The following AFF4 variants were observed in gnomAD, a reference collection of about 807,000 sequenced individuals.
AFF4 encodes ALF transcription elongation factor 4.
In AFF4, 13 loss-of-function variants were observed where a neutral mutation model predicts 124.8. The ratio of observed to expected loss-of-function variants is 0.10; its 90% CI spans 0.07 to 0.17. AFF4 has a LOEUF of 0.17. AFF4 is among the 10% of genes least tolerant of loss of function. The pLI is 1.00. For missense variants in AFF4, 1,092 were observed against 1,403.8 expected, an observed-to-expected ratio of 0.78 and a Z score of 3.55; for synonymous variants, 477 against 496.1, an observed-to-expected ratio of 0.96 and a Z score of 0.51.
chr5:132,948,295 C>CA (rs1236009975), intron 1 of AFF4, among the ~76,000 whole-genome samples: 1 of 152,110 alleles, frequency 6.6e-6, no homozygotes, highest in African/African-American at 2.4e-5. Flanking sequence ...ATGATCCGCC[C>CA]ACCTCAGCCT....
chr5:132,883,262 T>C, intron 20 of AFF4, 78 bp downstream of exon 20: 1 of 1,339,524 alleles, frequency 7.5e-7, no homozygotes, highest in Non-Finnish European at 1.1e-6. Flanking sequence ...AAATACAGAC[T>C]AAACGCTTAC....
intron 5 of AFF4, among the ~76,000 whole-genome samples, chr5:132,923,606 C>T (rs896389657): frequency 8.6e-5 from 13 of 151,840 alleles, no homozygotes; most frequent in Admixed American, 5.2e-4. Flanking sequence ...ACCTGTAGTG[C>T]GTGGTAGTCA....
chr5:132,940,499 TC>T, intron 1 of AFF4, among the ~76,000 whole-genome samples: 4 of 151,520 alleles, frequency 2.6e-5, no homozygotes, highest in Admixed American at 2.6e-4. Flanking sequence ...AGACTCCGTC[TC>T]AAAAAAAAAT....
At chr5:132,924,788 G>A (rs1318810696) in intron 5 of AFF4, among the ~76,000 whole-genome samples, 1 of 152,110 alleles carries the variant, frequency 6.6e-6, no homozygotes, top group Admixed American at 6.5e-5. Context: ...CCAGGAGGCG[G>A]AGGTTGCAGT....
chr5:132,920,231 G>A (rs1230599869), intron 5 of AFF4, among the ~76,000 whole-genome samples: 1 of 151,848 alleles, frequency 6.6e-6, no homozygotes, highest in Non-Finnish European at 1.5e-5. Flanking sequence ...TATATTTTTA[G>A]TGGAGTCGGA....
chr5:132,887,564 C>A lies in AFF4; in HGVS notation c.2962G>T (p.Ala988Ser). ...KYTMKLKNYL[A>S]PDATAADKRL... is the part of the protein sequence containing the mutation. ...TTATCTGCAGCTGTAGCATCTGGTGCCAAGTAATTCTTTAGCTTCATAGTG... is the reference window on the plus strand; with the variant it reads ...TTATCTGCAGCTGTAGCATCTGGTGACAAGTAATTCTTTAGCTTCATAGTG... The change falls in exon 17 of 21, where the codon GCA becomes TCA. Residue 988 changes from alanine to serine, a missense_variant. Ala to Ser is a moderately conservative substitution (Grantham distance 99). Coordinates refer to ENST00000265343, the MANE Select transcript of AFF4 (RefSeq NM_014423.4). 2 of 1,613,928 alleles carry A rather than the reference C, an allele frequency of 1.2e-6. No individual in the cohort carries two copies. Among genetic ancestry groups the A allele is most frequent in the Non-Finnish European group, 1.7e-6 (2 of 1,179,886 alleles).
chr5:132,934,021 ATC>A (rs1457326641), intron 3 of AFF4, 124 bp downstream of exon 3: 1 of 1,122,424 alleles, frequency 8.9e-7, no homozygotes, highest in Non-Finnish European at 1.2e-6. Flanking sequence ...CATTTTTTTC[ATC>A]TTTCAACTTT....
At position 132,876,908 on chromosome 5, in the gene AFF4, C is replaced by T. The variant is rs1297380961; in HGVS notation, c.*4151G>A. ...TGCTCACAAACATGAAAAATTTGGCCTCTTCTCACTACATATTCCAAGGTA... is the reference window on the plus strand; with the variant it reads ...TGCTCACAAACATGAAAAATTTGGCTTCTTCTCACTACATATTCCAAGGTA... On this transcript the variant is annotated 3_prime_UTR_variant, in exon 21 of 21. Transcript: ENST00000265343. 1.0e-5 allele frequency: 2 copies of T among 198,078 alleles called. No homozygotes were observed. The highest frequency in any genetic ancestry group is 1.2e-4 in the Admixed American group (2 of 16,506). The allele number at this position is 198,078 out of a possible 1,614,324, so 12.3% of individuals were successfully genotyped here. A position where few individuals can be genotyped will look rare whatever the true frequency, so the allele number is the denominator to read the frequency against.
chr5:132,890,413 C>T (rs925517437), intron 13 of AFF4, among the ~76,000 whole-genome samples: 5 of 152,008 alleles, frequency 3.3e-5, no homozygotes, highest in Admixed American at 6.6e-5. Flanking sequence ...AATTACAGGC[C>T]GTGAGCCACC....
At chr5:132,918,008 G>A (rs143385708) in intron 5 of AFF4, among the ~76,000 whole-genome samples, 359 of 150,476 alleles carry the variant, frequency 2.4e-3, no homozygotes, top group Non-Finnish European at 4.4e-3. Flanking sequence ...ATGAGCCACC[G>A]CATCCAGCCC....
Position 132,927,112 on chromosome 5 carries a change from T to C in AFF4, c.1050+9A>G, listed in dbSNP as rs760989778. ...CTTACATTATGAAAGATACATTTTA[T>C]TTACTTACCTTAGTTGGAAAAGGAA... is the stretch of plus-strand genomic sequence containing the variant. On this transcript the variant is annotated intron_variant, in intron 5 of 20. Coordinates refer to ENST00000265343, the MANE Select transcript of AFF4 (RefSeq NM_014423.4). 2 of 1,606,992 alleles carry C rather than the reference T, an allele frequency of 1.2e-6. No individual in the cohort carries two copies. The highest frequency in any genetic ancestry group is 8.5e-7 in the Non-Finnish European group (1 of 1,175,348).
chr5:132,883,622 C>A, intron 19 of AFF4, 62 bp from the exon 20 acceptor site: 1 of 1,420,472 alleles, frequency 7.0e-7, no homozygotes, highest in Non-Finnish European at 9.8e-7. Flanking sequence ...AAATCAAGTA[C>A]TACTAGCTCT....
At chr5:132,912,862 C>T (rs1485285410) in intron 5 of AFF4, among the ~76,000 whole-genome samples, 1 of 149,006 alleles carries the variant, frequency 6.7e-6, no homozygotes, top group African/African-American at 2.4e-5. Context: ...ACAACACACA[C>T]ACACACACAC....
intron 1 of AFF4, among the ~76,000 whole-genome samples, chr5:132,955,175 C>T (rs887197949): frequency 2.0e-5 from 3 of 152,200 alleles, no homozygotes; most frequent in East Asian, 3.9e-4. Flanking sequence ...TGCTTCTTCT[C>T]TTCTCTCCTC....
intron 1 of AFF4, among the ~76,000 whole-genome samples, chr5:132,939,272 T>C (rs1428695165): frequency 6.6e-6 from 1 of 152,132 alleles, no homozygotes; most frequent in Non-Finnish European, 1.5e-5. Flanking sequence ...CAAATTGTTT[T>C]GTATGTATAC....
chr5:132,937,579 A>C (rs1240160304), intron 1 of AFF4: 1 of 156,226 alleles, frequency 6.4e-6, no homozygotes, highest in African/African-American at 2.4e-5. Context: ...TGCCCTTAGA[A>C]GCATATAACC....
intron 3 of AFF4, among the ~76,000 whole-genome samples, chr5:132,932,889 A>T (rs901750390): frequency 3.3e-5 from 5 of 152,254 alleles, no homozygotes; most frequent in Non-Finnish European, 7.3e-5. Context: ...AGAACAAATT[A>T]CCATTTTACT....
intron 5 of AFF4, among the ~76,000 whole-genome samples, chr5:132,912,272 G>A (rs144359431): frequency 1.3e-3 from 191 of 152,120 alleles, no homozygotes; most frequent in Non-Finnish European, 2.1e-3. Flanking sequence ...AACCAGGGAG[G>A]TGGAGGTTGC....
intron 3 of AFF4, among the ~76,000 whole-genome samples, chr5:132,932,637 G>A (rs1054691585): frequency 1.3e-5 from 2 of 152,118 alleles, no homozygotes; most frequent in African/African-American, 2.4e-5. Flanking sequence ...GTGAAAAATC[G>A]TACCTTAGCG....
Sources: allele counts gnomAD v4.1 joint callset (sites outside exome capture counted in the v4.1 genomes callset), GRCh38; gene constraint gnomAD v4.1.1; transcripts MANE v1.5; gene names NCBI Gene and HGNC (gene_info 2026-07-23, HGNC 2026-07-21).